GIGYF2: variants seen among roughly 807,000 people sequenced by gnomAD.
GIGYF2 encodes GRB10-interacting GYF protein 2.
GIGYF2 carries 25 observed loss-of-function variants against 208.1 expected under a neutral mutation model. That is an observed-to-expected ratio of 0.12 (90% confidence interval 0.09 to 0.17). The LOEUF is 0.17. GIGYF2 is among the 10% of genes least tolerant of loss of function. The pLI is 1.00. For synonymous variants in GIGYF2, 534 were observed against 543.8 expected, an observed-to-expected ratio of 0.98 and a Z score of 0.25; for missense variants, 1,302 against 1,579.4, an observed-to-expected ratio of 0.82 and a Z score of 2.98.
At chr2:232,834,176 C>T (rs1383250977) in intron 22 of GIGYF2, among the ~76,000 whole-genome samples, 2 of 152,058 alleles carry the variant, frequency 1.3e-5, no homozygotes, top group Non-Finnish European at 2.9e-5. Flanking sequence ...CTGCAGTGCG[C>T]AGTAAGGTTT....
chr2:232,768,302 T>G, intron 8 of GIGYF2: 1 of 1,614,214 alleles, frequency 6.2e-7, no homozygotes. Flanking sequence ...GAGTTGGAAA[T>G]TCAGGGACAG....
chr2:232,820,316 C>CTTTTT (rs199677992), intron 21 of GIGYF2, among the ~76,000 whole-genome samples: 1 of 138,716 alleles, frequency 7.2e-6, no homozygotes, highest in South Asian at 2.3e-4. Context: ...GCAATAATTT[C>CTTTTT]TTTTTTTTTT....
chr2:232,708,151 G>A (rs1696213199), intron 2 of GIGYF2, among the ~76,000 whole-genome samples: 1 of 151,840 alleles, frequency 6.6e-6, no homozygotes. Context: ...GTAGAGACTG[G>A]TTTTTGCCAT....
At chr2:232,804,150 T>G (rs1316472848) in intron 14 of GIGYF2, among the ~76,000 whole-genome samples, 2 of 152,126 alleles carry the variant, frequency 1.3e-5, no homozygotes, top group Admixed American at 6.5e-5. Context: ...TCCATAAAAA[T>G]TTTTAGGATA....
intron 18 of GIGYF2, among the ~76,000 whole-genome samples, chr2:232,814,499 G>T (rs1316840446): frequency 6.9e-5 from 10 of 145,842 alleles, no homozygotes; most frequent in East Asian, 4.1e-4. Context: ...GGAGGCGGAG[G>T]TTGCAGTGAG....
chr2:232,797,663 G>A (rs1205944326), intron 14 of GIGYF2, among the ~76,000 whole-genome samples: 1 of 152,096 alleles, frequency 6.6e-6, no homozygotes. Flanking sequence ...TAACACAAGT[G>A]GGACATTGAC....
At chr2:232,735,107 C>T in intron 2 of GIGYF2, 48 bp from the exon 3 acceptor site, 1 of 860,166 alleles carries the variant, frequency 1.2e-6, no homozygotes, top group Non-Finnish European at 2.0e-6. Context: ...CCTGGAATTC[C>T]ACATTTAATC....
chr2:232,750,408 C>T (rs1414776182), intron 5 of GIGYF2, among the ~76,000 whole-genome samples: 1 of 152,180 alleles, frequency 6.6e-6, no homozygotes, highest in Non-Finnish European at 1.5e-5. Flanking sequence ...GCCAGCTGCT[C>T]CCTTTCCCAG....
chr2:232,808,648 CA>C (rs1473810666), intron 15 of GIGYF2, among the ~76,000 whole-genome samples: 1 of 152,088 alleles, frequency 6.6e-6, no homozygotes, highest in Non-Finnish European at 1.5e-5. Flanking sequence ...TATCTTATTT[CA>C]AACTATAATC....
intron 1 of GIGYF2, chr2:232,698,435 ATTCT>A (rs1182768447): frequency 6.6e-6 from 1 of 152,190 alleles, no homozygotes; most frequent in Non-Finnish European, 1.5e-5. Context: ...TGGGGAAGGT[ATTCT>A]TTCTTTATAT....
At chr2:232,774,645 C>G (rs1032269456) in intron 8 of GIGYF2, among the ~76,000 whole-genome samples, 1 of 152,100 alleles carries the variant, frequency 6.6e-6, no homozygotes, top group Non-Finnish European at 1.5e-5. Flanking sequence ...GGTGGGTGAA[C>G]AACTTTGTCA....
At chr2:232,810,944 T>G in intron 16 of GIGYF2, 1 of 301,762 alleles carries the variant, frequency 3.3e-6, no homozygotes, top group Non-Finnish European at 6.3e-6. Flanking sequence ...TTACCAATTT[T>G]TGACATTCGT....
chr2:232,777,515 C>T lies in GIGYF2; in HGVS notation c.533-9635C>T, dbSNP rs1699562634. ...CTGAGAAACAAAGACTGTGATTGTT[C>T]AAAGTAAAATCTTGGAAGGCCTGCT... On this transcript the variant is annotated intron_variant, in intron 8 of 28. Coordinates refer to ENST00000373563, the MANE Select transcript of GIGYF2 (RefSeq NM_001103146.3). Among the ~76,000 whole-genome samples, 5 of 152,022 alleles carry T rather than the reference C, an allele frequency of 3.3e-5. No individual in the cohort carries two copies. In the Middle Eastern group the frequency reaches 0.017, roughly 517 times the overall value.
rs978242011 is a variant in GIGYF2 at position 232,808,216 on chromosome 2, A to G, written c.1807-1504A>G. 2.6e-5 allele frequency among the ~76,000 whole-genome samples: 4 copies of G among 152,242 alleles called. No individual in the cohort carries two copies. In the South Asian group the frequency reaches 8.3e-4, roughly 31 times the overall value. The stretch of plus-strand genomic sequence containing the variant: ...GTTGTTTTAAGTCACAAGAAAAATT[A>G]TACTGTGTATTGCAGCATGTAAATT... On this transcript the variant is annotated intron_variant, in intron 15 of 28. Coordinates refer to ENST00000373563, the MANE Select transcript of GIGYF2 (RefSeq NM_001103146.3).
chr2:232,812,800 A>G (rs545194795), intron 18 of GIGYF2, among the ~76,000 whole-genome samples: 1 of 152,298 alleles, frequency 6.6e-6, no homozygotes, highest in Non-Finnish European at 1.5e-5. Flanking sequence ...GAAAAAAAGC[A>G]TACATAAAAA....
chr2:232,721,134 T>A (rs1006568169), intron 2 of GIGYF2, among the ~76,000 whole-genome samples: 1 of 152,192 alleles, frequency 6.6e-6, no homozygotes, highest in African/African-American at 2.4e-5. Flanking sequence ...TTCTGACTCC[T>A]TCCTCAAAGG....
chr2:232,850,926 G>C (rs7602140), intron 28 of GIGYF2, among the ~76,000 whole-genome samples: 130,875 of 152,174 alleles, frequency 0.86, 56,504 homozygotes, highest in African/African-American at 0.92. Context: ...CACAGAGATT[G>C]AGAACATTTC....
chr2:232,748,950 T>C (rs1698246253), intron 4 of GIGYF2, 37 bp from the exon 5 acceptor site: 1 of 890,182 alleles, frequency 1.1e-6, no homozygotes, highest in African/African-American at 1.6e-5. Context: ...ATTGCAGAAA[T>C]AGCATTAATC....
intron 6 of GIGYF2, among the ~76,000 whole-genome samples, chr2:232,758,213 C>G (rs906681053): frequency 3.3e-5 from 5 of 152,090 alleles, no homozygotes; most frequent in African/African-American, 1.2e-4. Flanking sequence ...ATAGGCAGAG[C>G]TAACACTAGA....
Sources: allele counts gnomAD v4.1 joint callset (sites outside exome capture counted in the v4.1 genomes callset), GRCh38; gene constraint gnomAD v4.1.1; transcripts MANE v1.5; gene names NCBI Gene and HGNC (gene_info 2026-07-23, HGNC 2026-07-21).